ZMPSTE24: variants seen among roughly 807,000 people sequenced by gnomAD.
The protein encoded by ZMPSTE24 is zinc metallopeptidase STE24.
ZMPSTE24 carries 48 observed loss-of-function variants against 56.7 expected under a neutral mutation model. The observed-to-expected ratio is 0.85, with a 90% CI of 0.67 to 1.08. The LOEUF is 1.08. Among genes scored for constraint, ZMPSTE24 ranks in the 50% least tolerant of loss-of-function variants. The pLI is 0.00. For synonymous variants in ZMPSTE24, 172 were observed against 195.2 expected (o/e 0.88, Z 0.99); for missense variants, 503 against 548.7 (o/e 0.92, Z 0.83).
chr1:40,279,135 T>A (rs1643701811), intron 6 of ZMPSTE24, among the ~76,000 whole-genome samples: 1 of 151,976 alleles, frequency 6.6e-6, no homozygotes, highest in South Asian at 2.1e-4. Flanking sequence ...AGAGACCCTG[T>A]CTCAAAAGAA....
At chr1:40,262,803 T>C in intron 2 of ZMPSTE24, 1 of 1,179,634 alleles carries the variant, frequency 8.5e-7, no homozygotes, top group Non-Finnish European at 1.1e-6. Flanking sequence ...TGCTGTTTTG[T>C]CAACTGACAT....
At chr1:40,264,877 CAA>C (rs35889679) in intron 2 of ZMPSTE24, among the ~76,000 whole-genome samples, 18 of 53,238 alleles carry the variant, frequency 3.4e-4, no homozygotes, top group South Asian at 1.3e-3. Context: ...GATCCTGTCT[CAA>C]AAAAAAAAAA....
intron 1 of ZMPSTE24, chr1:40,259,419 C>G (rs1643472984): frequency 1.3e-5 from 2 of 151,844 alleles, no homozygotes; most frequent in South Asian, 4.2e-4. Flanking sequence ...CTAGGAGGGA[C>G]GAGGGAGAGT....
In ZMPSTE24 at chr1:40,270,276, T is replaced by A; in HGVS notation, c.627+149T>A. On this transcript the variant is annotated intron_variant, in intron 5 of 9. Transcript: ENST00000372759. ...TTCCCCCTTGGTTTCTGCTTTTGAT[T>A]GTAGACACAGGAGTATTGACTGACC... 3 of 967,314 alleles carry A rather than the reference T, an allele frequency of 3.1e-6. No homozygotes were observed. The South Asian group carries it at 4.3e-5, about 14-fold the overall frequency. 59.9% of individuals were successfully genotyped at this position (967,314 alleles called of 1,614,324 possible).
chr1:40,292,716 T>C lies in ZMPSTE24; in HGVS notation c.*47T>C, dbSNP rs1478555015. ...AAGACATTTCTGATTATTTCTGTCC[T>C]GGCAGCATGTTCCAGCTCTTGATGT... On this transcript the variant is annotated 3_prime_UTR_variant, in exon 10 of 10. Coordinates refer to ENST00000372759, the MANE Select transcript of ZMPSTE24 (RefSeq NM_005857.5). The C allele has an allele frequency of 6.4e-7, 1 of 1,564,312 alleles. No homozygotes were observed. Among genetic ancestry groups the C allele is most frequent in the Admixed American group, 1.7e-5 (1 of 59,880 alleles).
intron 9 of ZMPSTE24, 55 bp from the exon 10 acceptor site, chr1:40,292,390 T>A: frequency 6.5e-7 from 1 of 1,547,966 alleles, no homozygotes; most frequent in East Asian, 2.2e-5. Flanking sequence ...CATGGAACCT[T>A]TAGTAACAAC....
rs775662186 is a variant in ZMPSTE24, at chr1:40,271,860, A to G, written c.628-34A>G. 2.1e-5 allele frequency: 33 copies of G among 1,609,634 alleles called. No individual in the cohort carries two copies. The East Asian group carries it at 2.7e-4, about 13-fold the overall frequency. On this transcript the variant is annotated intron_variant, in intron 5 of 9. Transcript: ENST00000372759. ...TAAAGAATGTTTTTTCTTTAAGAAC[A>G]TGTTCATATGTTATTCTGACATTTA...
chr1:40,292,778 A>G lies in ZMPSTE24; in HGVS notation c.*109A>G. The G allele has an allele frequency of 1.1e-6, 1 of 907,930 alleles. No individual in the cohort carries two copies. Among genetic ancestry groups the G allele is most frequent in the Non-Finnish European group, 1.7e-6 (1 of 578,040 alleles). 56.2% of individuals were successfully genotyped at this position (907,930 alleles called of 1,614,324 possible). ...TTTTTAGAAGAAAAATTAAGTACAG[A>G]AAAGCCCAGATTTAAATACATTTAA... On this transcript the variant is annotated 3_prime_UTR_variant, in exon 10 of 10. Transcript: ENST00000372759.
intron 8 of ZMPSTE24, among the ~76,000 whole-genome samples, chr1:40,288,180 A>C (rs1172831124): frequency 1.3e-5 from 2 of 152,176 alleles, no homozygotes; most frequent in Non-Finnish European, 2.9e-5. Context: ...CTCTAAAAAA[A>C]ATTAAAATAA....
chr1:40,268,701 G>A (rs543712267), intron 4 of ZMPSTE24, among the ~76,000 whole-genome samples, 166 bp downstream of exon 4: 4 of 152,184 alleles, frequency 2.6e-5, no homozygotes, highest in Non-Finnish European at 4.4e-5. Context: ...TGGGGGCCGC[G>A]GTGGCTCTGG....
intron 8 of ZMPSTE24, among the ~76,000 whole-genome samples, chr1:40,290,005 C>G (rs1643824355): frequency 6.6e-6 from 1 of 152,166 alleles, no homozygotes; most frequent in Non-Finnish European, 1.5e-5. Context: ...ATGATAGGAG[C>G]CTCAACTTAA....
intron 1 of ZMPSTE24, among the ~76,000 whole-genome samples, chr1:40,260,309 C>A (rs1038615866): frequency 6.6e-6 from 1 of 151,994 alleles, no homozygotes; most frequent in African/African-American, 2.4e-5. Context: ...AATCCTTCTG[C>A]CCCTGTCTTC....
chr1:40,290,302 G>A (rs1327480934), intron 8 of ZMPSTE24, among the ~76,000 whole-genome samples: 8 of 151,208 alleles, frequency 5.3e-5, no homozygotes, highest in Middle Eastern at 3.4e-3. Flanking sequence ...GGGGAATGGC[G>A]TGAACATGGG....
At chr1:40,267,433 C>T (rs893243816) in intron 2 of ZMPSTE24, among the ~76,000 whole-genome samples, 2 of 149,602 alleles carry the variant, frequency 1.3e-5, no homozygotes, top group African/African-American at 2.4e-5. Flanking sequence ...GTCACAATCA[C>T]GGCTCACTGG....
intron 5 of ZMPSTE24, among the ~76,000 whole-genome samples, chr1:40,270,509 A>G (rs1199018971): frequency 6.6e-6 from 1 of 152,180 alleles, no homozygotes; most frequent in Non-Finnish European, 1.5e-5. Context: ...TAAGAGGGAC[A>G]AGAGAAAGAA....
intron 4 of ZMPSTE24, 125 bp from the exon 5 acceptor site, chr1:40,269,850 A>G (rs1036559237): frequency 1.8e-6 from 2 of 1,097,794 alleles, no homozygotes; most frequent in Admixed American, 4.8e-5. Context: ...GTCATATAAT[A>G]TAGTTTCACT....
chr1:40,287,347 G>A (rs1569662715), intron 8 of ZMPSTE24, among the ~76,000 whole-genome samples: 1 of 152,278 alleles, frequency 6.6e-6, no homozygotes, highest in East Asian at 1.9e-4. Flanking sequence ...GGGATTACAG[G>A]CATAAGCCAC....
chr1:40,290,542 G>C (rs1458659458), intron 8 of ZMPSTE24: 3 of 249,618 alleles, frequency 1.2e-5, no homozygotes, highest in African/African-American at 5.9e-5. Flanking sequence ...CTCACTGCAA[G>C]CTCCGCCTCC....
At chr1:40,284,609 G>T (rs1469936209) in intron 7 of ZMPSTE24, among the ~76,000 whole-genome samples, 1 of 151,484 alleles carries the variant, frequency 6.6e-6, no homozygotes, top group Admixed American at 6.6e-5. Context: ...AAAATTAGCC[G>T]GGTGTGGTGG....
Sources: allele counts gnomAD v4.1 joint callset (sites outside exome capture counted in the v4.1 genomes callset), GRCh38; gene constraint gnomAD v4.1.1; transcripts MANE v1.5; gene names NCBI Gene and HGNC (gene_info 2026-07-23, HGNC 2026-07-21).